The following WHRN variants were observed in gnomAD, a reference collection of about 807,000 sequenced individuals.
The protein encoded by WHRN is CASK-interacting protein CIP98.
Under a neutral mutation model 68.3 loss-of-function variants are expected in WHRN, and 41 were observed. That is an observed-to-expected ratio of 0.60 (90% CI 0.47 to 0.78). The LOEUF (loss-of-function observed/expected upper bound fraction) is 0.78. Among genes scored for constraint, WHRN ranks in the 30% least tolerant of loss-of-function variants. WHRN has a pLI of 0.00. For synonymous variants in WHRN, 560 were observed against 561.3 expected, an observed-to-expected ratio of 1.00 and a Z score of 0.03; for missense variants, 1,243 against 1,244.7, an observed-to-expected ratio of 1.00 and a Z score of 0.02.
intron 3 of WHRN, among the ~76,000 whole-genome samples, chr9:114,463,635 G>A (rs1032911262): frequency 6.6e-6 from 1 of 152,158 alleles, no homozygotes; most frequent in Non-Finnish European, 1.5e-5. Context: ...AGGAAGCTGG[G>A]TGAAGGATAA....
At chr9:114,429,990 T>G (rs1837268450) in intron 3 of WHRN, among the ~76,000 whole-genome samples, 1 of 152,252 alleles carries the variant, frequency 6.6e-6, no homozygotes, top group African/African-American at 2.4e-5. Context: ...GCTGCACTCT[T>G]CATCGCGCAA....
At chr9:114,487,853 C>A (rs886476184) in intron 1 of WHRN, among the ~76,000 whole-genome samples, 2 of 152,206 alleles carry the variant, frequency 1.3e-5, no homozygotes, top group Admixed American at 1.3e-4. Context: ...GGAGGCCTCG[C>A]AATGTCCTTC....
intron 2 of WHRN, among the ~76,000 whole-genome samples, chr9:114,476,482 G>GT (rs745312565): frequency 1.3e-5 from 2 of 152,016 alleles, no homozygotes; most frequent in Non-Finnish European, 2.9e-5. Context: ...CCTCAGAGAA[G>GT]TCCTCCCTGA....
At chr9:114,403,782 A>T in intron 10 of WHRN, 114 bp downstream of exon 10, 1 of 1,308,386 alleles carries the variant, frequency 7.6e-7, no homozygotes. Flanking sequence ...TAGGGAGCTC[A>T]CTACCTCCCT....
intron 1 of WHRN, among the ~76,000 whole-genome samples, chr9:114,493,038 T>G (rs1182392179): frequency 6.6e-6 from 1 of 151,512 alleles, no homozygotes; most frequent in Non-Finnish European, 1.5e-5. Context: ...AACAATTAAG[T>G]CCATATATGT....
At chr9:114,441,998 C>T (rs1428505467) in intron 3 of WHRN, among the ~76,000 whole-genome samples, 4 of 152,218 alleles carry the variant, frequency 2.6e-5, no homozygotes, top group African/African-American at 9.7e-5. Context: ...AAGGACCTGA[C>T]ATCAAAGCTA....
At chr9:114,502,812 G>A (rs1168586035) in intron 1 of WHRN, among the ~76,000 whole-genome samples, 1 of 152,130 alleles carries the variant, frequency 6.6e-6, no homozygotes, top group African/African-American at 2.4e-5. Flanking sequence ...TTTATCATCT[G>A]GGAACTCCAG....
In WHRN at chr9:114,481,969, C is replaced by T. The variant is rs139558264; in HGVS notation, c.619-3198G>A. Among the ~76,000 whole-genome samples the T allele has an allele frequency of 9.9e-4, 151 of 151,932 alleles. 1 individual carries two copies. Among genetic ancestry groups the T allele is most frequent in the East Asian group, 7.2e-3 (37 of 5,170 alleles). ...GTACACAATAGGTTTTCATGACACA[C>T]GCCTGGTGAGAGACAAGGCATCGTG... is the stretch of plus-strand genomic sequence containing the variant. On this transcript the variant is annotated intron_variant, in intron 1 of 11. Coordinates refer to ENST00000362057, the MANE Select transcript of WHRN (RefSeq NM_015404.4).
chr9:114,500,270 T>C (rs1222913018), intron 1 of WHRN, among the ~76,000 whole-genome samples: 1 of 152,198 alleles, frequency 6.6e-6, no homozygotes, highest in African/African-American at 2.4e-5. Context: ...GTGCATGCCA[T>C]GGTGCCACGG....
At chr9:114,476,121 T>C (rs1269291671) in intron 2 of WHRN, among the ~76,000 whole-genome samples, 1 of 152,054 alleles carries the variant, frequency 6.6e-6, no homozygotes, top group East Asian at 1.9e-4. Context: ...CATGCCATCA[T>C]ACCCGGCTAA....
At chr9:114,501,172 T>C (rs1843888484) in intron 1 of WHRN, among the ~76,000 whole-genome samples, 1 of 152,240 alleles carries the variant, frequency 6.6e-6, no homozygotes, top group South Asian at 2.1e-4. Context: ...CTGTGGACTC[T>C]CTGGCCAATT....
chr9:114,423,666 G>T, intron 6 of WHRN, 143 bp from the exon 7 acceptor site: 1 of 778,400 alleles, frequency 1.3e-6, no homozygotes. Flanking sequence ...GCTCTCAAGA[G>T]AAAGGCCAAA....
intron 3 of WHRN, among the ~76,000 whole-genome samples, chr9:114,461,540 T>A (rs556465586): frequency 1.1e-4 from 16 of 152,352 alleles, no homozygotes; most frequent in African/African-American, 3.8e-4. Context: ...TCAGGCTGTT[T>A]CCTCAGCAGC....
intron 3 of WHRN, among the ~76,000 whole-genome samples, chr9:114,434,542 C>T (rs1837687289): frequency 6.6e-6 from 1 of 152,220 alleles, no homozygotes. Flanking sequence ...CAAGCCTGGT[C>T]CTTCTCCGGG....
At chr9:114,442,562 C>T (rs1564159273) in intron 3 of WHRN, among the ~76,000 whole-genome samples, 1 of 152,196 alleles carries the variant, frequency 6.6e-6, no homozygotes, top group Non-Finnish European at 1.5e-5. Flanking sequence ...CCCAGTGTTG[C>T]AGGTGGGCCT....
chr9:114,408,778 T>A (rs976009765), intron 7 of WHRN, among the ~76,000 whole-genome samples: 1 of 152,206 alleles, frequency 6.6e-6, no homozygotes, highest in African/African-American at 2.4e-5. Flanking sequence ...AAACATTATT[T>A]CTGGGTGTGT....
chr9:114,447,984 GC>G (rs1838981685), intron 3 of WHRN, among the ~76,000 whole-genome samples: 1 of 152,078 alleles, frequency 6.6e-6, no homozygotes, highest in African/African-American at 2.4e-5. Context: ...TCCAAAAATG[GC>G]CACAGCAATA....
intron 7 of WHRN, among the ~76,000 whole-genome samples, chr9:114,421,750 A>G (rs1836307012): frequency 6.6e-6 from 1 of 152,118 alleles, no homozygotes; most frequent in African/African-American, 2.4e-5. Context: ...ATATCAAAGT[A>G]TGTGCTCAGA....
At position 114,486,814 on chromosome 9, in the gene WHRN, C is replaced by CAAA. The variant is rs59992011; in HGVS notation, c.619-8046_619-8044dup. Among the ~76,000 whole-genome samples the CAAA allele has an allele frequency of 5.6e-3, 397 of 71,178 alleles. 31 individuals carry two copies. The highest frequency in any genetic ancestry group is 0.017 in the African/African-American group (292 of 16,882). 46.7% of individuals were successfully genotyped at this position (71,178 alleles called of 152,430 possible). ...CCAATCTGTGCCCCAGCTTCCCAGG[C>CAAA]AAAAAAAAAAAAAAAAAAAGAGAGA... On this transcript the variant is annotated intron_variant, in intron 1 of 11. Transcript: ENST00000362057.
Sources: allele counts gnomAD v4.1 joint callset (sites outside exome capture counted in the v4.1 genomes callset), GRCh38; gene constraint gnomAD v4.1.1; transcripts MANE v1.5; gene names NCBI Gene and HGNC (gene_info 2026-07-23, HGNC 2026-07-21).